STK33: variants seen among roughly 807,000 people sequenced by gnomAD.
The protein encoded by STK33 is serine/threonine-protein kinase 33.
A neutral mutation model predicts 58.0 loss-of-function variants in STK33; 52 were observed. That is an observed-to-expected ratio of 0.90 (90% CI 0.72 to 1.13). STK33 has a LOEUF of 1.13. Ranked by LOEUF, STK33 falls within the 50% of genes most tolerant of loss-of-function variation. The pLI is 0.00. For missense variants in STK33, 630 were observed against 604.2 expected (o/e 1.04, Z -0.45); for synonymous variants, 215 against 200.1 (o/e 1.07, Z -0.63).
At chr11:8,514,358 CT>C (rs1427367889) in intron 1 of STK33, among the ~76,000 whole-genome samples, 1 of 152,012 alleles carries the variant, frequency 6.6e-6, no homozygotes, top group Non-Finnish European at 1.5e-5. Context: ...GTGGGTTAGC[CT>C]GGAAACTTAG....
At chr11:8,531,102 T>C (rs181657829) in intron 1 of STK33, among the ~76,000 whole-genome samples, 350 of 152,258 alleles carry the variant, frequency 2.3e-3, no homozygotes, top group African/African-American at 8.0e-3. Context: ...AAAAAATGAA[T>C]AAAGGTAAAG....
At chr11:8,522,835 A>T (rs1275880372) in intron 1 of STK33, among the ~76,000 whole-genome samples, 2 of 151,850 alleles carry the variant, frequency 1.3e-5, no homozygotes, top group Non-Finnish European at 2.9e-5. Flanking sequence ...TCTCCCTCTG[A>T]TGCCCAGCCG....
At chr11:8,543,614 T>C (rs866403870) in intron 1 of STK33, among the ~76,000 whole-genome samples, 1 of 152,048 alleles carries the variant, frequency 6.6e-6, no homozygotes, top group Middle Eastern at 3.2e-3. Context: ...TTGTTGGTGG[T>C]AGGGGGAAGA....
At chr11:8,504,321 GCA>G (rs1951720191) in intron 1 of STK33, among the ~76,000 whole-genome samples, 1 of 152,154 alleles carries the variant, frequency 6.6e-6, no homozygotes, top group African/African-American at 2.4e-5. Flanking sequence ...TTTGTAAGAA[GCA>G]CAGAGAGCCC....
chr11:8,486,262 C>A (rs1369990792), intron 1 of STK33, among the ~76,000 whole-genome samples: 1 of 152,216 alleles, frequency 6.6e-6, no homozygotes, highest in Non-Finnish European at 1.5e-5. Context: ...ACATGACATA[C>A]AGGAGCCTGT....
At chr11:8,444,582 G>A (rs1034089291) in intron 11 of STK33, among the ~76,000 whole-genome samples, 1 of 152,070 alleles carries the variant, frequency 6.6e-6, no homozygotes, top group African/African-American at 2.4e-5. Context: ...CAGATAATAA[G>A]TGCATATTGA....
rs571111448 is a variant in STK33 at position 8,396,941 on chromosome 11, G to C, written c.1345-4231C>G. Among the ~76,000 whole-genome samples the C allele has an allele frequency of 4.1e-3, 629 of 152,348 alleles. 7 individuals carry two copies. Among genetic ancestry groups the C allele is most frequent in the Non-Finnish European group, 4.5e-3 (307 of 68,030 alleles). On this transcript the variant is annotated intron_variant, in intron 15 of 15. Coordinates refer to ENST00000687296, the MANE Select transcript of STK33 (RefSeq NM_001352389.2). ...GGGGCGCCCGCCATTGCCGAGGCTT[G>C]AGTAGGTAAACAAAGTGGCCAGGAA...
intron 11 of STK33, 38 bp from the exon 12 acceptor site, chr11:8,440,791 C>T (rs1225852985): frequency 2.6e-6 from 4 of 1,513,288 alleles, no homozygotes; most frequent in African/African-American, 2.8e-5. Flanking sequence ...ATTAATAATA[C>T]AATAAATGTC....
intron 1 of STK33, among the ~76,000 whole-genome samples, chr11:8,514,167 G>A (rs895916412): frequency 6.6e-6 from 1 of 152,136 alleles, no homozygotes; most frequent in African/African-American, 2.4e-5. Context: ...CTATATGGCT[G>A]AATAGTACTC....
chr11:8,513,201 T>C (rs1952483380), intron 1 of STK33, among the ~76,000 whole-genome samples: 1 of 152,196 alleles, frequency 6.6e-6, no homozygotes, highest in African/African-American at 2.4e-5. Flanking sequence ...CTAACCACCC[T>C]ACAGCTTGCT....
chr11:8,344,196 A>ACACACACACACACACAC, the STK33 span, among the ~76,000 whole-genome samples: 2 of 29,710 alleles, frequency 6.7e-5, no homozygotes, highest in Non-Finnish European at 1.7e-4. Flanking sequence ...TAAAACAAAC[A>ACACACACACACACACAC]AAACACACAC....
intron 1 of STK33, among the ~76,000 whole-genome samples, chr11:8,579,619 C>T (rs1958424409): frequency 6.6e-6 from 1 of 151,814 alleles, no homozygotes; most frequent in Non-Finnish European, 1.5e-5. Flanking sequence ...TTGCCAAAGA[C>T]TCACATGCTT....
the STK33 span, among the ~76,000 whole-genome samples, chr11:8,385,488 G>A: frequency 2.6e-5 from 4 of 152,184 alleles, no homozygotes; most frequent in South Asian, 4.2e-4. Context: ...CTCTTCCCAC[G>A]GTTGGCTTCC....
chr11:8,568,998 T>C (rs1325785530), intron 1 of STK33, among the ~76,000 whole-genome samples: 1 of 152,140 alleles, frequency 6.6e-6, no homozygotes, highest in Admixed American at 6.5e-5. Context: ...GACATAGACA[T>C]TCAAATAGAA....
chr11:8,574,910 T>A (rs978565485), intron 1 of STK33, among the ~76,000 whole-genome samples: 3 of 149,534 alleles, frequency 2.0e-5, no homozygotes, highest in African/African-American at 7.3e-5. Flanking sequence ...CCAAGTCTGG[T>A]GGCATGCACC....
chr11:8,586,095 T>C (rs1361722344), intron 1 of STK33, among the ~76,000 whole-genome samples: 1 of 151,790 alleles, frequency 6.6e-6, no homozygotes, highest in Non-Finnish European at 1.5e-5. Flanking sequence ...TGCATGCTTG[T>C]GCTCCCAGCT....
the STK33 span, among the ~76,000 whole-genome samples, chr11:8,380,021 T>G: frequency 1.3e-5 from 2 of 152,214 alleles, no homozygotes; most frequent in African/African-American, 4.8e-5. Flanking sequence ...TCTTTATCCA[T>G]TCTACCAACG....
chr11:8,555,725 C>CA (rs892647349), intron 1 of STK33, among the ~76,000 whole-genome samples: 14 of 150,724 alleles, frequency 9.3e-5, no homozygotes, highest in Non-Finnish European at 4.4e-5. Flanking sequence ...TATCTTACCA[C>CA]AAAAAAAAGT....
At chr11:8,418,919 C>T (rs1410342393) in intron 14 of STK33, among the ~76,000 whole-genome samples, 3 of 152,000 alleles carry the variant, frequency 2.0e-5, no homozygotes, top group African/African-American at 7.3e-5. Flanking sequence ...TGTTCATGTC[C>T]TTTGCCCACT....
Sources: gnomAD v4.1 joint callset for allele counts (sites outside exome capture counted in the v4.1 genomes callset) on GRCh38, gnomAD v4.1.1 for gene constraint, MANE v1.5 for transcripts, NCBI Gene and HGNC (gene_info 2026-07-23, HGNC 2026-07-21) for gene names.